Variants in FRMPD2 observed in about 807,000 individuals in gnomAD.
FRMPD2 encodes the protein FERM and PDZ domain containing 2.
FRMPD2 carries 96 observed loss-of-function variants against 140.1 expected under a neutral mutation model. That is an observed-to-expected ratio of 0.69 (90% confidence interval 0.58 to 0.81). FRMPD2 has a LOEUF of 0.81. Among genes scored for constraint, FRMPD2 ranks in the 40% least tolerant of loss-of-function variants. The pLI, the probability that FRMPD2 is intolerant of heterozygous loss-of-function variation, is 0.00. For synonymous variants in FRMPD2, 449 were observed against 547.6 expected (o/e 0.82, Z 2.52); for missense variants, 1,240 against 1,447.4 (o/e 0.86, Z 2.32).
intron 20 of FRMPD2, among the ~76,000 whole-genome samples, chr10:48,182,307 G>C (rs1838571791): frequency 6.6e-6 from 1 of 152,166 alleles, no homozygotes; most frequent in South Asian, 2.1e-4. Context: ...CTCCATGAGA[G>C]GTGAGGATGG....
intron 12 of FRMPD2, among the ~76,000 whole-genome samples, chr10:48,217,744 G>A (rs545222628): frequency 1.3e-5 from 2 of 152,288 alleles, no homozygotes; most frequent in African/African-American, 2.4e-5. Flanking sequence ...TGTTTTAACT[G>A]TTGGGCTTGT....
intron 21 of FRMPD2, among the ~76,000 whole-genome samples, chr10:48,180,341 A>G (rs1284130957): frequency 4.6e-5 from 7 of 152,216 alleles, no homozygotes; most frequent in Non-Finnish European, 7.4e-5. Context: ...ACTGAAGCAC[A>G]CAGCCCTCCA....
intron 2 of FRMPD2, among the ~76,000 whole-genome samples, chr10:48,250,904 C>T (rs280611): frequency 6.7e-6 from 1 of 148,978 alleles, no homozygotes; most frequent in South Asian, 2.2e-4. Context: ...TCAGGAAATT[C>T]TCCTGTCTCC....
At position 48,201,241 on chromosome 10, in the gene FRMPD2, G is replaced by C. The variant is rs765599878; in HGVS notation, c.1941C>G (p.Ser647=). 6.2e-7 allele frequency: 1 copy of C among 1,605,970 alleles called. No individual in the cohort carries two copies. Among genetic ancestry groups the C allele is most frequent in the Admixed American group, 1.7e-5 (1 of 58,724 alleles). ...GCTTCTACTCACCAAATAAAACATG[G>C]GAAGGCTGCCCAGAGCCCATCTGTG... The part of the protein sequence containing the change: ...FNAQMGSGQP[S]HVLFDHDKFV... The change falls in exon 15 of 29, where the codon TCC becomes TCG. Residue 647 remains serine, a synonymous_variant. Transcript: ENST00000374201.
At chr10:48,163,013 A>C (rs1837985197) in intron 28 of FRMPD2, among the ~76,000 whole-genome samples, 1 of 147,860 alleles carries the variant, frequency 6.8e-6, no homozygotes, top group Non-Finnish European at 1.5e-5. Flanking sequence ...TTCTTACTAC[A>C]AAGCTTTAAC....
chr10:48,174,403 G>A (rs1838350664), intron 24 of FRMPD2, among the ~76,000 whole-genome samples: 1 of 152,214 alleles, frequency 6.6e-6, no homozygotes, highest in South Asian at 2.1e-4. Context: ...AGAATCCCAG[G>A]ACACTCTGAC....
chr10:48,187,376 C>T, intron 16 of FRMPD2, 84 bp from the exon 17 acceptor site: 2 of 1,141,840 alleles, frequency 1.8e-6, no homozygotes, highest in Non-Finnish European at 2.6e-6. Context: ...AGGGAGGCAA[C>T]TTCTTGGCAT....
chr10:48,222,367 C>G lies in FRMPD2; in HGVS notation c.1401G>C (p.Leu467=). The G allele has an allele frequency of 6.2e-7, 1 of 1,614,216 alleles. No individual in the cohort carries two copies. Among genetic ancestry groups the G allele is most frequent in the Non-Finnish European group, 8.5e-7 (1 of 1,180,030 alleles). The change falls in exon 12 of 29, where the codon CTG becomes CTC. Residue 467 remains leucine (L), a synonymous_variant. Coordinates refer to ENST00000374201, the MANE Select transcript of FRMPD2 (RefSeq NM_001018071.4). ...EERLYCNEEI[L]LQLGVLALQA... ...GCAAGGCAAGGACCCCCAGCTGCAGCAGTATCTCTTCATTGCAGTACAGCC... is the reference window on the plus strand; with the variant it reads ...GCAAGGCAAGGACCCCCAGCTGCAGGAGTATCTCTTCATTGCAGTACAGCC...
intron 10 of FRMPD2, among the ~76,000 whole-genome samples, chr10:48,226,583 TAAAG>T (rs1839726518): frequency 6.6e-6 from 1 of 152,236 alleles, no homozygotes; most frequent in African/African-American, 2.4e-5. Flanking sequence ...TGTTATTTCT[TAAAG>T]AAGATGAAAT....
chr10:48,202,499 T>C (rs1386381402), intron 14 of FRMPD2, among the ~76,000 whole-genome samples: 1 of 152,234 alleles, frequency 6.6e-6, no homozygotes, highest in Non-Finnish European at 1.5e-5. Flanking sequence ...TACTCTTTAC[T>C]TTTACTGACA....
At chr10:48,174,313 C>T (rs1233346290) in intron 24 of FRMPD2, among the ~76,000 whole-genome samples, 2 of 144,022 alleles carry the variant, frequency 1.4e-5, no homozygotes, top group African/African-American at 2.4e-5. Flanking sequence ...CGAGTCACTG[C>T]GGGGCAGGGA....
intron 20 of FRMPD2, among the ~76,000 whole-genome samples, chr10:48,181,288 T>C (rs1269971080): frequency 6.6e-6 from 1 of 152,302 alleles, no homozygotes; most frequent in Non-Finnish European, 1.5e-5. Context: ...TATTAAGCTC[T>C]AGCCATGTGA....
intron 4 of FRMPD2, 96 bp downstream of exon 4, chr10:48,244,688 T>C (rs1840203220): frequency 2.2e-6 from 2 of 891,130 alleles, no homozygotes; most frequent in South Asian, 2.7e-5. Flanking sequence ...AGTGGCATTA[T>C]GTGTGCTCAG....
At chr10:48,228,483 T>C (rs1839774777) in intron 10 of FRMPD2, among the ~76,000 whole-genome samples, 1 of 151,948 alleles carries the variant, frequency 6.6e-6, no homozygotes, top group Admixed American at 6.6e-5. Flanking sequence ...TATACTTTTG[T>C]CTCCTCATTG....
Position 48,244,795 on chromosome 10 carries a change from G to T in FRMPD2, c.364C>A (p.Pro122Thr). Residue 122 changes from proline to threonine, a missense_variant, in exon 4 of 29, where the codon CCG becomes ACG. By Grantham distance (38) the Pro-to-Thr change is conservative. Coordinates refer to ENST00000374201, the MANE Select transcript of FRMPD2 (RefSeq NM_001018071.4). ...TCTTGTTTACAAACCTGATGTGGCG[G>T]AACATGAAACCCTGCTGACCAGTAG... is the stretch of plus-strand genomic sequence containing the variant. ...TLYWSAGFHVPPHQPLQLCEP... is the reference protein window; with the variant it reads ...TLYWSAGFHVTPHQPLQLCEP... The T allele has an allele frequency of 1.9e-6, 3 of 1,613,048 alleles. No individual in the cohort carries two copies. The highest frequency in any genetic ancestry group is 2.5e-6 in the Non-Finnish European group (3 of 1,179,040).
chr10:48,185,495 ACCTCCCCACTTTGC>A (rs1838659790), intron 18 of FRMPD2, 44 bp downstream of exon 18: 8 of 1,184,284 alleles, frequency 6.8e-6, no homozygotes, highest in Middle Eastern at 4.1e-4. Context: ...AACAGTACCC[ACCTCCCCACTTTGC>A]CCAGCAGTAG....
intron 2 of FRMPD2, among the ~76,000 whole-genome samples, chr10:48,250,094 C>T (rs1036566153): frequency 2.6e-5 from 4 of 152,178 alleles, no homozygotes; most frequent in East Asian, 1.9e-4. Context: ...AGGACTCTAG[C>T]GGCCCTCCTG....
chr10:48,207,549 G>A (rs1265969690), intron 13 of FRMPD2, among the ~76,000 whole-genome samples: 1 of 152,132 alleles, frequency 6.6e-6, no homozygotes, highest in African/African-American at 2.4e-5. Context: ...TTTTGCCAGG[G>A]GCCATGGGTC....
intron 11 of FRMPD2, 49 bp downstream of exon 11, chr10:48,223,074 A>T (rs753730028): frequency 5.8e-6 from 9 of 1,548,644 alleles, no homozygotes; most frequent in Non-Finnish European, 7.9e-6. Context: ...GTCAGCCTGG[A>T]CATACATAAA....
Sources: gnomAD v4.1 joint callset for allele counts (sites outside exome capture counted in the v4.1 genomes callset) on GRCh38, gnomAD v4.1.1 for gene constraint, MANE v1.5 for transcripts, NCBI Gene and HGNC (gene_info 2026-07-23, HGNC 2026-07-21) for gene names.